Variants in ROBO2 observed in about 807,000 individuals in gnomAD.
ROBO2 encodes the protein roundabout homolog 2.
A neutral mutation model predicts 160.8 loss-of-function variants in ROBO2; 53 were observed. The observed-to-expected ratio is 0.33, with a 90% CI of 0.26 to 0.41. The LOEUF (loss-of-function observed/expected upper bound fraction) is 0.41, where lower values mean the gene tolerates loss of function less well. Among genes scored for constraint, ROBO2 ranks in the 10% least tolerant of loss-of-function variants. The pLI is 1.00. For missense variants in ROBO2, 1,577 were observed against 1,722.4 expected (o/e 0.92, Z 1.49); for synonymous variants, 664 against 611.7 (o/e 1.09, Z -1.26).
intron 2 of ROBO2, among the ~76,000 whole-genome samples, chr3:77,452,447 A>C (rs1252131082): frequency 6.6e-6 from 1 of 152,182 alleles, no homozygotes; most frequent in African/African-American, 2.4e-5. Flanking sequence ...CTTTATAGTG[A>C]ATACGAAAAG....
intron 2 of ROBO2, among the ~76,000 whole-genome samples, chr3:76,757,611 T>C (rs556919730): frequency 6.6e-6 from 1 of 151,950 alleles, no homozygotes; most frequent in African/African-American, 2.4e-5. Flanking sequence ...GGTTTATTTT[T>C]TTTTTAAGTC....
chr3:77,486,241 T>C (rs924980194), intron 4 of ROBO2, among the ~76,000 whole-genome samples: 7 of 152,180 alleles, frequency 4.6e-5, no homozygotes, highest in African/African-American at 1.7e-4. Context: ...TGAACATACG[T>C]GTGCATATCT....
At chr3:76,261,635 G>T (rs894059623) in intron 2 of ROBO2, among the ~76,000 whole-genome samples, 1 of 151,956 alleles carries the variant, frequency 6.6e-6, no homozygotes, top group Non-Finnish European at 1.5e-5. Context: ...TAGCATAAAA[G>T]AATATAAATA....
At chr3:77,042,875 G>C (rs905810305) in intron 1 of ROBO2, among the ~76,000 whole-genome samples, 1 of 152,198 alleles carries the variant, frequency 6.6e-6, no homozygotes, top group Non-Finnish European at 1.5e-5. Context: ...AGAACTCATA[G>C]TAATGTAGTG....
intron 2 of ROBO2, among the ~76,000 whole-genome samples, chr3:76,682,571 C>T (rs1400361247): frequency 6.6e-6 from 1 of 152,168 alleles, no homozygotes. Context: ...CCATGCCCAG[C>T]TAATTTTGGC....
At chr3:77,040,963 GT>G in intron 1 of ROBO2, 117 bp downstream of exon 1, 1 of 1,388,616 alleles carries the variant, frequency 7.2e-7, no homozygotes. Context: ...CTGTTAGTCC[GT>G]TTTGGCCCGG....
rs146466732 is a variant in ROBO2 at position 77,643,614 on chromosome 3, G to A, written c.3935-1090G>A. ...GAGGTGGGGAGCCTGCTTTATAAAC[G>A]CATTTTCTGAGACATCTCATGTCAG... On this transcript the variant is annotated intron_variant, in intron 24 of 25. Transcript: ENST00000461745. Among the ~76,000 whole-genome samples, 1,067 of 152,190 alleles carry A rather than the reference G, an allele frequency of 7.0e-3. 17 individuals are homozygous for A. The highest frequency in any genetic ancestry group is 0.023 in the African/African-American group (943 of 41,522).
chr3:77,337,547 A>G (rs2066613438), intron 2 of ROBO2, among the ~76,000 whole-genome samples: 1 of 152,192 alleles, frequency 6.6e-6, no homozygotes, highest in Non-Finnish European at 1.5e-5. Flanking sequence ...AAAAAATACT[A>G]TAACAACAAA....
chr3:76,717,169 A>T (rs1012291229), intron 2 of ROBO2, among the ~76,000 whole-genome samples: 1 of 152,120 alleles, frequency 6.6e-6, no homozygotes, highest in East Asian at 1.9e-4. Context: ...GAATCTGTTC[A>T]TCATTTCTTC....
At chr3:76,807,034 AG>A (rs2108932679) in intron 2 of ROBO2, among the ~76,000 whole-genome samples, 1 of 152,144 alleles carries the variant, frequency 6.6e-6, no homozygotes, top group South Asian at 2.1e-4. Context: ...CTACACCAAA[AG>A]TTGGGGAAGA....
At chr3:77,222,394 T>C (rs999446760) in intron 2 of ROBO2, among the ~76,000 whole-genome samples, 1 of 152,202 alleles carries the variant, frequency 6.6e-6, no homozygotes, top group African/African-American at 2.4e-5. Context: ...CGATAACCTG[T>C]CAGAATTTGA....
chr3:76,555,366 G>GAAGAA (rs2083663643), intron 2 of ROBO2, among the ~76,000 whole-genome samples: 2 of 43,550 alleles, frequency 4.6e-5, no homozygotes, highest in African/African-American at 8.9e-5. Flanking sequence ...GAGAGAAGAA[G>GAAGAA]AAGAAGAAGA....
chr3:77,035,835 G>A (rs2063601113), upstream of ROBO2, among the ~76,000 whole-genome samples: 1 of 151,908 alleles, frequency 6.6e-6, no homozygotes, highest in Non-Finnish European at 1.5e-5. Context: ...TACTTTAGTT[G>A]TCCTGTGTCC....
intron 2 of ROBO2, among the ~76,000 whole-genome samples, chr3:76,316,084 C>A (rs2071997346): frequency 6.6e-6 from 1 of 152,018 alleles, no homozygotes; most frequent in African/African-American, 2.4e-5. Flanking sequence ...GAAACAGGAC[C>A]AGGACAAAAT....
At chr3:76,563,220 G>A (rs554549003) in intron 2 of ROBO2, among the ~76,000 whole-genome samples, 24 of 152,026 alleles carry the variant, frequency 1.6e-4, no homozygotes, top group Non-Finnish European at 2.9e-4. Flanking sequence ...TGGATATTTA[G>A]CTCTGTCATC....
In ROBO2 at chr3:76,523,129, C is replaced by T. The variant is rs151099869; in HGVS notation, c.110-574885C>T. 3.0e-3 allele frequency among the ~76,000 whole-genome samples: 458 copies of T among 151,358 alleles called. 2 individuals carry two copies. The highest frequency in any genetic ancestry group is 0.011 in the African/African-American group (450 of 41,368). Reference sequence around the variant, plus strand: ...CTCTAAAGAGGGCCAGCTCCAAATACCGTAAATTTGTTTAGTCTTTACAGA... The same window carrying T: ...CTCTAAAGAGGGCCAGCTCCAAATATCGTAAATTTGTTTAGTCTTTACAGA... On this transcript the variant is annotated intron_variant, in intron 2 of 26. Coordinates refer to the ROBO2 transcript ENST00000487694.
intron 2 of ROBO2, among the ~76,000 whole-genome samples, chr3:77,143,708 C>G (rs1212809177): frequency 3.3e-5 from 5 of 152,014 alleles, no homozygotes; most frequent in Admixed American, 3.3e-4. Flanking sequence ...GAGTATTTTT[C>G]TCGCTTGAAA....
chr3:77,409,125 T>A (rs1404918200), intron 2 of ROBO2, among the ~76,000 whole-genome samples: 1 of 133,496 alleles, frequency 7.5e-6, no homozygotes, highest in East Asian at 2.3e-4. Context: ...ATATATATAG[T>A]CTTTTACTGA....
At chr3:76,389,197 A>G (rs2077034285) in intron 2 of ROBO2, among the ~76,000 whole-genome samples, 1 of 152,244 alleles carries the variant, frequency 6.6e-6, no homozygotes, top group Non-Finnish European at 1.5e-5. Flanking sequence ...ATGAAATATA[A>G]GCAGTAAAAA....
Sources: allele counts gnomAD v4.1 joint callset (sites outside exome capture counted in the v4.1 genomes callset), GRCh38; gene constraint gnomAD v4.1.1; transcripts MANE v1.5; gene names NCBI Gene and HGNC (gene_info 2026-07-23, HGNC 2026-07-21).